IPO11: variants seen among roughly 807,000 people sequenced by gnomAD.
The protein encoded by IPO11 is importin-11.
Under a neutral mutation model 143.2 loss-of-function variants are expected in IPO11, and 66 were observed. That is an observed-to-expected ratio of 0.46 (90% CI 0.38 to 0.57). IPO11 has a LOEUF of 0.57. Among genes scored for constraint, IPO11 ranks in the 20% least tolerant of loss-of-function variants. The probability of loss-of-function intolerance (pLI) is 0.00; values close to 1 mark genes in which losing one functional copy is unlikely to be tolerated. For synonymous variants in IPO11, 385 were observed against 377.8 expected, an observed-to-expected ratio of 1.02 and a Z score of -0.22; for missense variants, 1,026 against 1,141.0, an observed-to-expected ratio of 0.90 and a Z score of 1.45.
Position 62,418,844 on chromosome 5 carries a change from C to G in IPO11, c.-7+5915C>G, listed in dbSNP as rs964125688. 9.0e-6 allele frequency: 6 copies of G among 670,034 alleles called. No homozygotes were observed. The South Asian group carries it at 1.3e-4, about 14-fold the overall frequency. 41.5% of individuals were successfully genotyped at this position (670,034 alleles called of 1,614,324 possible). ...TCATGCAGACAACCTAGTCCTTTGT[C>G]TCCTTATTCTTATATGCCTGTGCAG... is the stretch of plus-strand genomic sequence containing the variant. On this transcript the variant is annotated intron_variant, in intron 1 of 29. Transcript: ENST00000325324.
intron 3 of IPO11, among the ~76,000 whole-genome samples, chr5:62,446,059 T>C (rs997168597): frequency 3.9e-5 from 6 of 152,230 alleles, no homozygotes; most frequent in Admixed American, 1.3e-4. Flanking sequence ...AGCATAGTCA[T>C]AAAAGGATTA....
Position 62,526,166 on chromosome 5 carries a change from C to T in IPO11, c.1921C>T (p.Leu641=), listed in dbSNP as rs1208050706. 6.2e-7 allele frequency: 1 copy of T among 1,612,856 alleles called. No individual in the cohort carries two copies. Among genetic ancestry groups the T allele is most frequent in the Admixed American group, 1.7e-5 (1 of 59,984 alleles). ...GGGATTAGGAGCAGACAGCAAGAAC[C>T]TGTACCCTTTCCTGCTCCCAGTTAT... ...VQGLGADSKN[L]YPFLLPVIQL... is the part of the protein sequence containing the mutation. Residue 641 remains leucine, a synonymous_variant, in exon 21 of 30, where the codon CTG becomes TTG. Coordinates refer to ENST00000325324, the MANE Select transcript of IPO11 (RefSeq NM_016338.5).
intron 27 of IPO11, among the ~76,000 whole-genome samples, chr5:62,577,994 C>A (rs1026393539): frequency 6.6e-6 from 1 of 151,850 alleles, no homozygotes. Context: ...AATTTATATC[C>A]GATTCTTTAA....
chr5:62,522,491 G>C (rs1742236128), intron 20 of IPO11, among the ~76,000 whole-genome samples: 1 of 152,224 alleles, frequency 6.6e-6, no homozygotes, highest in South Asian at 2.1e-4. Context: ...CATCATGTTG[G>C]CCGGGCTAGT....
At chr5:62,455,868 A>G (rs1745129139) in intron 5 of IPO11, among the ~76,000 whole-genome samples, 1 of 151,774 alleles carries the variant, frequency 6.6e-6, no homozygotes, top group African/African-American at 2.4e-5. Context: ...AGGATTACAG[A>G]CATGCGCCAC....
chr5:62,470,542 T>C (rs1182040256), intron 7 of IPO11, among the ~76,000 whole-genome samples: 1 of 152,172 alleles, frequency 6.6e-6, no homozygotes, highest in East Asian at 1.9e-4. Context: ...CATGGTACAT[T>C]GAGAGTGTTA....
intron 3 of IPO11, among the ~76,000 whole-genome samples, chr5:62,445,269 C>G (rs1021985420): frequency 6.6e-6 from 1 of 152,072 alleles, no homozygotes; most frequent in Admixed American, 6.6e-5. Context: ...AAGCTTGTTA[C>G]CATTACCATA....
chr5:62,558,547 A>G (rs1476938937), intron 26 of IPO11, among the ~76,000 whole-genome samples: 1 of 152,194 alleles, frequency 6.6e-6, no homozygotes, highest in East Asian at 1.9e-4. Flanking sequence ...TTTTATCAGA[A>G]TGTCAGTTAT....
At chr5:62,542,829 T>C (rs1233768551) in intron 24 of IPO11, among the ~76,000 whole-genome samples, 2 of 152,230 alleles carry the variant, frequency 1.3e-5, no homozygotes, top group African/African-American at 4.8e-5. Context: ...TTTTGAATTC[T>C]CATTCTGGTC....
chr5:62,618,573 GAAGAATA>G (rs1746226993), intron 29 of IPO11, among the ~76,000 whole-genome samples: 1 of 152,102 alleles, frequency 6.6e-6, no homozygotes, highest in Admixed American at 6.5e-5. Context: ...TCAAGGGGTG[GAAGAATA>G]AACATAAAAT....
At position 62,580,463 on chromosome 5, in the gene IPO11, C is replaced by T; in HGVS notation, c.2583-11114C>T. The T allele has an allele frequency of 6.4e-7, 1 of 1,551,286 alleles. No homozygotes were observed. The highest frequency in any genetic ancestry group is 2.4e-5 in the East Asian group (1 of 40,914). On this transcript the variant is annotated intron_variant, in intron 27 of 29. Coordinates refer to ENST00000325324, the MANE Select transcript of IPO11 (RefSeq NM_016338.5). ...TTTAATAATCTTACAGCCTTGCATC[C>T]AAGGGTCCTTAAGCCGTTGTCTTCA...
chr5:62,451,198 G>A (rs1390996255), intron 4 of IPO11, among the ~76,000 whole-genome samples: 1 of 152,090 alleles, frequency 6.6e-6, no homozygotes, highest in African/African-American at 2.4e-5. Context: ...TGTGGTCACA[G>A]GATCTCGTTA....
At chr5:62,488,055 C>T (rs892752049) in intron 13 of IPO11, among the ~76,000 whole-genome samples, 194 bp downstream of exon 13, 3 of 151,982 alleles carry the variant, frequency 2.0e-5, no homozygotes, top group African/African-American at 7.3e-5. Flanking sequence ...ATAGTTTGGA[C>T]GATGATAAAT....
chr5:62,550,489 G>T (rs757839122), intron 25 of IPO11, 27 bp downstream of exon 25: 3 of 1,467,872 alleles, frequency 2.0e-6, no homozygotes, highest in Non-Finnish European at 2.9e-6. Context: ...AGTTCCAAAG[G>T]TAGTGTTAGA....
In IPO11 at chr5:62,525,071, G is replaced by T. The variant is rs1742323288; in HGVS notation, c.1897-1071G>T. On this transcript the variant is annotated intron_variant, in intron 20 of 29. Coordinates refer to ENST00000325324, the MANE Select transcript of IPO11 (RefSeq NM_016338.5). ...AAACTTCTCTTCTTCTTCCATCTTT[G>T]TGTTCTTGATTCATTAAAAATGTTA... Among the ~76,000 whole-genome samples the T allele has an allele frequency of 2.0e-5, 3 of 151,956 alleles. No homozygotes were observed. The South Asian group carries it at 6.2e-4, about 31-fold the overall frequency.
intron 19 of IPO11, 121 bp downstream of exon 19, chr5:62,506,478 T>C (rs563869948): frequency 2.5e-5 from 14 of 565,502 alleles, no homozygotes; most frequent in South Asian, 1.4e-4. Context: ...TTCTAACTTA[T>C]AGATTGTGGT....
chr5:62,609,459 C>G (rs535509369), intron 29 of IPO11, among the ~76,000 whole-genome samples: 1 of 152,350 alleles, frequency 6.6e-6, no homozygotes, highest in Admixed American at 6.5e-5. Context: ...ATGATTGATA[C>G]AAGCTCCCTA....
At chr5:62,504,976 A>G in intron 18 of IPO11, 78 bp downstream of exon 18, 2 of 767,490 alleles carry the variant, frequency 2.6e-6, no homozygotes, top group Non-Finnish European at 4.2e-6. Context: ...TTATACATGA[A>G]ATTATCTATG....
chr5:62,550,451 A>G lies in IPO11; in HGVS notation c.2335A>G (p.Ile779Val), dbSNP rs1401463933. 1 of 1,608,450 alleles carries G rather than the reference A, an allele frequency of 6.2e-7. No homozygotes were observed. Reference protein sequence around the residue: ...PILPYVFKGIIEGERYPVVMS... With the variant: ...PILPYVFKGIVEGERYPVVMS... ...TTTACCCTATGTTTTCAAGGGTATT[A>G]TAGAAGGGGAGGTAAGATTTTTCTT... Residue 779 changes from isoleucine (I) to valine (V), a missense_variant, in exon 25 of 30, where the codon ATA (isoleucine) becomes GTA (valine). By Grantham distance (29) the Ile-to-Val change is conservative (BLOSUM62 3). Around this residue, in one of 5 missense-constraint regions of IPO11, gnomAD observed 351 missense variants for 358.9 expected, o/e 0.98. Coordinates refer to ENST00000325324, the MANE Select transcript of IPO11 (RefSeq NM_016338.5).
Sources: allele counts gnomAD v4.1 joint callset (sites outside exome capture counted in the v4.1 genomes callset), GRCh38; gene constraint gnomAD v4.1.1; regional missense constraint gnomAD v4.1.1; transcripts MANE v1.5; gene names NCBI Gene and HGNC (gene_info 2026-07-23, HGNC 2026-07-21).